DUSP15: variants seen among roughly 807,000 people sequenced by gnomAD.
DUSP15 encodes the protein dual specificity protein phosphatase 15.
A neutral mutation model predicts 26.3 loss-of-function variants in DUSP15; 23 were observed. The ratio of observed to expected loss-of-function variants is 0.87; its 90% CI spans 0.63 to 1.24. The LOEUF (loss-of-function observed/expected upper bound fraction) is 1.24, where lower values mean the gene tolerates loss of function less well. Ranked by LOEUF, DUSP15 falls within the 50% of genes most tolerant of loss-of-function variation. DUSP15 has a pLI of 0.00. For synonymous variants in DUSP15, 143 were observed against 135.5 expected (o/e 1.06, Z -0.39); for missense variants, 364 against 320.6 (o/e 1.14, Z -1.03).
At chr20:31,845,627 G>C (rs2062370728), downstream of DUSP15, 1 of 1,513,886 alleles carries the variant, frequency 6.6e-7, no homozygotes, top group South Asian at 1.2e-5. Flanking sequence ...GCCCAGGCTG[G>C]TTAAAAGGTC....
Position 31,861,574 on chromosome 20 carries a change from G to A in DUSP15, c.537C>T (p.Ser179=), listed in dbSNP as rs749554204. 9 of 1,499,168 alleles carry A rather than the reference G, an allele frequency of 6.0e-6. No homozygotes were observed. The highest frequency in any genetic ancestry group is 2.5e-5 in the South Asian group (2 of 80,196). The allele number at this position is 1,499,168 out of a possible 1,614,324, so 92.9% of individuals were successfully genotyped here. ...LPLCKRCRQG[S]ATSASSAGPH... is the part of the protein sequence containing the mutation. ...GCCCGGCGGAGGAGGCCGAGGTCGC[G>A]GAGCCCTGCCGGCAGCGCTTGCACA... The change falls in exon 7 of 7, where the codon TCC becomes TCT. Residue 179 remains serine (S), a synonymous_variant. Transcript: ENST00000339738.
At chr20:31,853,245 A>G (rs1013741009) in intron 6 of DUSP15, among the ~76,000 whole-genome samples, 2 of 152,228 alleles carry the variant, frequency 1.3e-5, no homozygotes, top group Non-Finnish European at 1.5e-5. Flanking sequence ...TTAAACAGAA[A>G]TAACTATATT....
chr20:31,857,288 CA>C (rs1370869770), downstream of DUSP15, among the ~76,000 whole-genome samples: 17 of 151,100 alleles, frequency 1.1e-4, no homozygotes, highest in South Asian at 2.1e-4. Flanking sequence ...GGAGGTCCTC[CA>C]GGGGGATCTT....
At position 31,849,923 on chromosome 20, in the gene DUSP15, C is replaced by T. The variant is rs35182221; in HGVS notation, c.492-49G>A. ...GGGCTGGACGTGGGCGGCGCTAGCT[C>T]CCCTCGCCTTCTTACCCTCCCCTTC... On this transcript the variant is annotated intron_variant, in intron 7 of 9. Transcript: ENST00000278979. 1,504 of 1,428,492 alleles carry T rather than the reference C, an allele frequency of 1.1e-3. 3 individuals carry two copies. Among genetic ancestry groups the T allele is most frequent in the South Asian group, 1.8e-3 (122 of 67,018 alleles). The allele number at this position is 1,428,492 out of a possible 1,614,324, so 88.5% of individuals were successfully genotyped here. A position where few individuals can be genotyped will look rare whatever the true frequency, so the allele number is the denominator to read the frequency against.
chr20:31,857,008 A>T (rs2068299168), downstream of DUSP15, among the ~76,000 whole-genome samples: 2 of 152,092 alleles, frequency 1.3e-5, no homozygotes. Context: ...AGACAGTGAC[A>T]TATGCTTAGA....
Position 31,848,408 on chromosome 20 carries a change from C to A in DUSP15, c.884G>T (p.Arg295Leu), listed in dbSNP as rs115873559. The change falls in exon 10 of 10, where the codon CGC (arginine) becomes CTC (leucine). Residue 295 changes from arginine to leucine, a missense_variant. Coordinates refer to the DUSP15 transcript ENST00000278979. Reference sequence around the variant, plus strand: ...CCCCCCTGTTGGGGGCTGCCTTCAGCGGGTACAAGAAGAGGAAGCGGCTCG... The same window carrying A: ...CCCCCCTGTTGGGGGCTGCCTTCAGAGGGTACAAGAAGAGGAAGCGGCTCG... The A allele has an allele frequency of 1.3e-3, 2,170 of 1,610,832 alleles. 24 individuals are homozygous for A. The African/African-American group carries it at 0.026, about 19-fold the overall frequency.
In DUSP15 at chr20:31,870,470, T is replaced by G; in HGVS notation, c.-133A>C. ...ACGGGGGGCCTGGCGTCCGCGGCCC[T>G]GCCCAGCCCTGCCCAGCCACCGCCA... is the stretch of plus-strand genomic sequence containing the variant. On this transcript the variant is annotated 5_prime_UTR_variant, in exon 1 of 7. Transcript: ENST00000339738. The surrounding 1 kb of genome is among the most constrained non-coding windows in gnomAD (Gnocchi z 6.6). 7.7e-7 allele frequency: 1 copy of G among 1,299,780 alleles called. No homozygotes were observed. Among genetic ancestry groups the G allele is most frequent in the South Asian group, 2.4e-5 (1 of 42,248 alleles). The allele number at this position is 1,299,780 out of a possible 1,614,324, so 80.5% of individuals were successfully genotyped here.
At chr20:31,862,480 C>T in intron 6 of DUSP15, 91 bp downstream of exon 6, 1 of 1,462,286 alleles carries the variant, frequency 6.8e-7, no homozygotes, top group Non-Finnish European at 9.1e-7. Flanking sequence ...GTCTGAGGCA[C>T]AGGCTAAAAA....
At position 31,862,705 on chromosome 20, in the gene DUSP15, C is replaced by CGTATGTGTG. The variant is rs773152996; in HGVS notation, c.300_301insCACACATAC (p.Thr100_Ala101insHisThrTyr). ...AGCCCCGTCACAGTCATCACATACG[C>CGTATGTGTG]TGTCACAATCGTGGTGCTGCGAGAG... is the stretch of plus-strand genomic sequence containing the variant. On this transcript the variant is annotated inframe_insertion, in exon 6 of 7. Coordinates refer to ENST00000339738, the MANE Select transcript of DUSP15 (RefSeq NM_080611.5). 7 of 1,613,204 alleles carry CGTATGTGTG rather than the reference C, an allele frequency of 4.3e-6. No homozygotes were observed. The highest frequency in any genetic ancestry group is 5.9e-6 in the Non-Finnish European group (7 of 1,179,458).
Position 31,869,602 on chromosome 20 carries a change from A to C in DUSP15, c.22-5T>G. The C allele has an allele frequency of 6.2e-7, 1 of 1,613,740 alleles. No individual in the cohort carries two copies. Among genetic ancestry groups the C allele is most frequent in the Non-Finnish European group, 8.5e-7 (1 of 1,179,872 alleles). Reference sequence around the variant, plus strand: ...GAGGTAGAGTCCAGGAAGTACCTAGAGGAAGGACAGGCAAGGGTCAGTGGG... The same window carrying C: ...GAGGTAGAGTCCAGGAAGTACCTAGCGGAAGGACAGGCAAGGGTCAGTGGG... On this transcript the variant is annotated splice_region_variant and splice_polypyrimidine_tract_variant and intron_variant, in intron 1 of 6. Coordinates refer to ENST00000339738, the MANE Select transcript of DUSP15 (RefSeq NM_080611.5).
chr20:31,864,030 A>T, intron 4 of DUSP15, 49 bp from the exon 5 acceptor site: 1 of 1,609,236 alleles, frequency 6.2e-7, no homozygotes, highest in East Asian at 2.2e-5. Context: ...CAGACCTCTC[A>T]GGAGTTGTTC....
Position 31,861,714 on chromosome 20 carries a change from C to CT in DUSP15, c.436-40_436-39insA. The CT allele has an allele frequency of 2.6e-6, 3 of 1,141,286 alleles. 1 individual carries two copies. Among genetic ancestry groups the CT allele is most frequent in the Non-Finnish European group, 3.2e-6 (3 of 935,246 alleles). The allele number at this position is 1,141,286 out of a possible 1,614,324, so 70.7% of individuals were successfully genotyped here. ...GTGAGGTGGGCGGGGTCAAGGCCGGCGCGGGGCGGGGTCAAGGCAGCCGGC... is the reference window on the plus strand; with the variant it reads ...GTGAGGTGGGCGGGGTCAAGGCCGGCTGCGGGGCGGGGTCAAGGCAGCCGGC... On this transcript the variant is annotated intron_variant, in intron 6 of 6. Transcript: ENST00000339738.
Position 31,870,493 on chromosome 20 carries a change from C to G in DUSP15, c.-156G>C. The G allele has an allele frequency of 7.2e-7, 1 of 1,384,984 alleles. No individual in the cohort carries two copies. The allele number at this position is 1,384,984 out of a possible 1,614,324, so 85.8% of individuals were successfully genotyped here. On this transcript the variant is annotated 5_prime_UTR_variant, in exon 1 of 7. Coordinates refer to ENST00000339738, the MANE Select transcript of DUSP15 (RefSeq NM_080611.5). The surrounding 1 kb of genome is among the most constrained non-coding windows in gnomAD (Gnocchi z 6.6). ...CCTGCCCAGCCCTGCCCAGCCACCG[C>G]CACCGCCCGCCGACCCCCGGCCCGG...
chr20:31,853,721 C>T (rs952739288), intron 6 of DUSP15, among the ~76,000 whole-genome samples: 4 of 151,548 alleles, frequency 2.6e-5, no homozygotes, highest in Admixed American at 6.5e-5. Flanking sequence ...CCCACCTCAT[C>T]CAAGTAGCTG....
downstream of DUSP15, among the ~76,000 whole-genome samples, chr20:31,858,652 G>A (rs1174496899): frequency 6.6e-6 from 1 of 152,214 alleles, no homozygotes; most frequent in African/African-American, 2.4e-5. The surrounding 1 kb of genome is among the most constrained non-coding windows in gnomAD (Gnocchi z 4.4). Flanking sequence ...CGGCCCCCAT[G>A]AGCATCCAGA....
At chr20:31,856,793 G>A (rs1600450784), downstream of DUSP15, among the ~76,000 whole-genome samples, 1 of 152,038 alleles carries the variant, frequency 6.6e-6, no homozygotes, top group Admixed American at 6.6e-5. Flanking sequence ...AGGGGACAGT[G>A]GGACATGAGG....
chr20:31,848,848 C>G, exon 9 of DUSP15: 1 of 1,612,192 alleles, frequency 6.2e-7, no homozygotes, highest in Non-Finnish European at 8.5e-7. Context: ...GTGTGGGGCC[C>G]GGGTCCTCCT....
chr20:31,853,947 A>G lies in DUSP15; in HGVS notation c.427-3271T>C, dbSNP rs191081418. Among the ~76,000 whole-genome samples, 209 of 152,142 alleles carry G rather than the reference A, an allele frequency of 1.4e-3. 4 individuals carry two copies. The highest frequency in any genetic ancestry group is 0.013 in the Admixed American group (201 of 15,294). The stretch of plus-strand genomic sequence containing the variant: ...AGTGTGGTCAGAAAAGGCCTCTTTC[A>G]GGAGGTAACATTTGTGCTAAAACCT... On this transcript the variant is annotated intron_variant, in intron 6 of 9. Transcript: ENST00000278979.
In DUSP15 at chr20:31,870,046, A is replaced by G. The variant is rs1475111057; in HGVS notation, c.21+271T>C. 8 of 1,283,020 alleles carry G rather than the reference A, an allele frequency of 6.2e-6. No individual in the cohort carries two copies. The highest frequency in any genetic ancestry group is 7.9e-6 in the Non-Finnish European group (8 of 1,016,594). 79.5% of individuals were successfully genotyped at this position (1,283,020 alleles called of 1,614,324 possible). A position where few individuals can be genotyped will look rare whatever the true frequency, so the allele number is the denominator to read the frequency against. On this transcript the variant is annotated intron_variant, in intron 1 of 6. Coordinates refer to ENST00000339738, the MANE Select transcript of DUSP15 (RefSeq NM_080611.5). This position sits in a 1 kb window ranked among gnomAD's most constrained non-coding sequence, Gnocchi z 6.6. ...CACATGCAGACGGAGAGCAGGACTCACTGGGAGACAGCCTGGGAGTGACAG... is the reference window on the plus strand; with the variant it reads ...CACATGCAGACGGAGAGCAGGACTCGCTGGGAGACAGCCTGGGAGTGACAG...
Sources: allele counts gnomAD v4.1 joint callset (sites outside exome capture counted in the v4.1 genomes callset), GRCh38; gene constraint gnomAD v4.1.1; non-coding constraint Gnocchi (gnomAD v3.1); transcripts MANE v1.5; gene names NCBI Gene and HGNC (gene_info 2026-07-23, HGNC 2026-07-21).